KLHL3: variants seen among roughly 807,000 people sequenced by gnomAD.
KLHL3 encodes the protein kelch like family member 3.
In KLHL3, 19 loss-of-function variants were observed where a neutral mutation model predicts 70.5. The observed-to-expected ratio is 0.27, with a 90% CI of 0.19 to 0.40. KLHL3 has a LOEUF of 0.40. Ranked by LOEUF, KLHL3 falls within the 10% of genes least tolerant of loss-of-function variation. KLHL3 has a pLI of 1.00. For synonymous variants in KLHL3, 258 were observed against 290.3 expected, an observed-to-expected ratio of 0.89 and a Z score of 1.13; for missense variants, 512 against 771.1, an observed-to-expected ratio of 0.66 and a Z score of 3.98.
intron 11 of KLHL3, among the ~76,000 whole-genome samples, chr5:137,636,061 A>C (rs1750759327): frequency 6.6e-6 from 1 of 152,250 alleles, no homozygotes. Context: ...CAAAGCACTT[A>C]CACTTGGCAG....
chr5:137,666,111 T>G (rs569927726), intron 6 of KLHL3, among the ~76,000 whole-genome samples: 2 of 152,358 alleles, frequency 1.3e-5, no homozygotes, highest in South Asian at 4.1e-4. Context: ...TGAGAGACCT[T>G]GTCTTATTTG....
chr5:137,724,891 GT>G (rs1753062922), intron 1 of KLHL3, among the ~76,000 whole-genome samples: 1 of 152,190 alleles, frequency 6.6e-6, no homozygotes, highest in Non-Finnish European at 1.5e-5. Context: ...TGGGATCTGA[GT>G]TTAGGTATCC....
intron 4 of KLHL3, among the ~76,000 whole-genome samples, chr5:137,694,281 C>T (rs997043807): frequency 6.6e-6 from 1 of 152,204 alleles, no homozygotes; most frequent in Non-Finnish European, 1.5e-5. Context: ...TATCCTATAT[C>T]CCCAGCAGGA....
intron 2 of KLHL3, among the ~76,000 whole-genome samples, chr5:137,716,184 A>G (rs759427688): frequency 4.6e-5 from 7 of 152,138 alleles, no homozygotes; most frequent in Non-Finnish European, 7.4e-5. Context: ...AAATGTGTTC[A>G]ATATAGTGTT....
At chr5:137,689,855 C>T (rs538007592) in intron 5 of KLHL3, among the ~76,000 whole-genome samples, 11 of 152,274 alleles carry the variant, frequency 7.2e-5, no homozygotes, top group Admixed American at 2.0e-4. Context: ...CAGTATACTC[C>T]CCAAACCTCA....
chr5:137,627,475 CCA>C (rs1491267915), intron 13 of KLHL3, among the ~76,000 whole-genome samples: 935 of 90,816 alleles, frequency 0.01, 93 homozygotes, highest in African/African-American at 0.028. Context: ...GTAAATATCA[CCA>C]CCCCCCCCCC....
At chr5:137,725,284 C>T (rs1398157890) in intron 1 of KLHL3, among the ~76,000 whole-genome samples, 2 of 152,158 alleles carry the variant, frequency 1.3e-5, no homozygotes, top group African/African-American at 2.4e-5. Flanking sequence ...CACACACACA[C>T]GTGCACGCAC....
At chr5:137,638,690 G>A (rs2149884652) in intron 10 of KLHL3, among the ~76,000 whole-genome samples, 1 of 152,246 alleles carries the variant, frequency 6.6e-6, no homozygotes, top group South Asian at 2.1e-4. Context: ...CATCTTCTGA[G>A]TAAATAGGTT....
At chr5:137,674,890 G>A (rs1300236298) in intron 6 of KLHL3, among the ~76,000 whole-genome samples, 1 of 152,144 alleles carries the variant, frequency 6.6e-6, no homozygotes, top group Non-Finnish European at 1.5e-5. Flanking sequence ...AAAGCCTAAA[G>A]GACTAGCATT....
intron 3 of KLHL3, among the ~76,000 whole-genome samples, chr5:137,705,684 A>G (rs1752671655): frequency 6.6e-6 from 1 of 152,188 alleles, no homozygotes; most frequent in African/African-American, 2.4e-5. Flanking sequence ...TATTCTGTAG[A>G]CCTCAGTTCC....
intron 3 of KLHL3, among the ~76,000 whole-genome samples, chr5:137,702,892 A>G (rs1752599535): frequency 6.6e-6 from 1 of 152,218 alleles, no homozygotes; most frequent in Admixed American, 6.5e-5. Flanking sequence ...TCTTCATTCT[A>G]GATCCTAACA....
Position 137,638,984 on chromosome 5 carries a change from G to C in KLHL3, c.1188C>G (p.Leu396=). 6.2e-7 allele frequency: 1 copy of C among 1,614,200 alleles called. No homozygotes were observed. Among genetic ancestry groups the C allele is most frequent in the Non-Finnish European group, 8.5e-7 (1 of 1,180,032 alleles). Residue 396 remains leucine, a synonymous_variant, in exon 10 of 15, where the codon CTC becomes CTG. Transcript: ENST00000309755. ...TGCCATCAAAGCCTCCCACTGCGTA[G>C]AGCAAGTCATTGAGCACCGCTGCGC... ...TLGAAVLNDL[L]YAVGGFDGST...
At chr5:137,634,788 G>A (rs567731597) in intron 11 of KLHL3, among the ~76,000 whole-genome samples, 81 of 152,194 alleles carry the variant, frequency 5.3e-4, no homozygotes, top group African/African-American at 1.7e-3. Context: ...CTGAGGTGCC[G>A]TCATTTACTT....
intron 5 of KLHL3, among the ~76,000 whole-genome samples, chr5:137,682,870 C>A (rs1752067805): frequency 6.6e-6 from 1 of 152,102 alleles, no homozygotes; most frequent in African/African-American, 2.4e-5. Flanking sequence ...TCAAGCTAGC[C>A]CCAGGACTAT....
At chr5:137,649,389 C>CA (rs1355639039) in intron 8 of KLHL3, among the ~76,000 whole-genome samples, 1 of 152,234 alleles carries the variant, frequency 6.6e-6, no homozygotes, top group Non-Finnish European at 1.5e-5. Context: ...GCCAGCATGT[C>CA]ATGAGGACAC....
intron 3 of KLHL3, among the ~76,000 whole-genome samples, chr5:137,702,252 C>T (rs1400127026): frequency 2.0e-5 from 1 of 49,912 alleles, no homozygotes; most frequent in Non-Finnish European, 3.5e-5. Flanking sequence ...GATGAGCACA[C>T]AAGAGCACCA....
chr5:137,710,895 C>T (rs1323635948), intron 2 of KLHL3, among the ~76,000 whole-genome samples: 1 of 152,112 alleles, frequency 6.6e-6, no homozygotes. Flanking sequence ...CCCAAGGTCA[C>T]ACAGAAAAGG....
chr5:137,654,071 G>A (rs1189050529), intron 8 of KLHL3, among the ~76,000 whole-genome samples: 3 of 152,202 alleles, frequency 2.0e-5, no homozygotes, highest in Non-Finnish European at 4.4e-5. Flanking sequence ...AATCAGATCA[G>A]TAGTTGTCAG....
intron 5 of KLHL3, among the ~76,000 whole-genome samples, chr5:137,680,448 T>C (rs1051036237): frequency 6.6e-6 from 1 of 152,214 alleles, no homozygotes; most frequent in African/African-American, 2.4e-5. Flanking sequence ...TTAATTCATT[T>C]TGACAGCTTT....
Sources: allele counts gnomAD v4.1 joint callset (sites outside exome capture counted in the v4.1 genomes callset), GRCh38; gene constraint gnomAD v4.1.1; transcripts MANE v1.5; gene names NCBI Gene and HGNC (gene_info 2026-07-23, HGNC 2026-07-21).